USP34: variants seen among roughly 807,000 people sequenced by gnomAD.
The protein encoded by USP34 is ubiquitin carboxyl-terminal hydrolase 34.
In USP34, 70 loss-of-function variants were observed where a neutral mutation model predicts 460.3. The observed-to-expected ratio is 0.15, with a 90% confidence interval of 0.13 to 0.19. USP34 has a LOEUF of 0.19. Among genes scored for constraint, USP34 ranks in the 10% least tolerant of loss-of-function variants. USP34 has a pLI of 1.00. For missense variants in USP34, 3,985 were observed against 4,236.2 expected, an observed-to-expected ratio of 0.94 and a Z score of 1.65; for synonymous variants, 1,647 against 1,405.3, an observed-to-expected ratio of 1.17 and a Z score of -3.85.
At chr2:61,260,121 T>A (rs981962930) in intron 43 of USP34, among the ~76,000 whole-genome samples, 2 of 152,150 alleles carry the variant, frequency 1.3e-5, no homozygotes, top group African/African-American at 4.8e-5. Flanking sequence ...CAAGTAAACC[T>A]ACACATTAAA....
chr2:61,344,089 C>G, intron 15 of USP34, 60 bp from the exon 16 acceptor site: 1 of 1,498,444 alleles, frequency 6.7e-7, no homozygotes, highest in African/African-American at 1.4e-5. Flanking sequence ...ATTTGTGAAC[C>G]ACAAAAAATA....
intron 62 of USP34, 186 bp from the exon 63 acceptor site, chr2:61,223,482 T>G: frequency 1.7e-6 from 1 of 596,026 alleles, no homozygotes. Flanking sequence ...ATTCCAGGAT[T>G]GGTAAATGAA....
At chr2:61,277,994 A>T in intron 41 of USP34, 171 bp downstream of exon 41, 1 of 833,040 alleles carries the variant, frequency 1.2e-6, no homozygotes, top group Non-Finnish European at 1.7e-6. Flanking sequence ...CACGATTGTG[A>T]GGCCTCCCCA....
At chr2:61,331,607 T>G (rs898595571) in intron 19 of USP34, among the ~76,000 whole-genome samples, 3 of 152,052 alleles carry the variant, frequency 2.0e-5, no homozygotes, top group Non-Finnish European at 4.4e-5. Context: ...CCTGTGAAAG[T>G]ACTATTATCA....
intron 29 of USP34, among the ~76,000 whole-genome samples, chr2:61,299,279 G>A (rs1690145375): frequency 6.6e-6 from 1 of 152,080 alleles, no homozygotes; most frequent in Non-Finnish European, 1.5e-5. Context: ...CTAACACAGG[G>A]AAAACTATCA....
intron 1 of USP34, among the ~76,000 whole-genome samples, chr2:61,467,480 G>T (rs180698154): frequency 6.6e-6 from 1 of 151,746 alleles, no homozygotes; most frequent in Non-Finnish European, 1.5e-5. Flanking sequence ...TACTAATTAC[G>T]TATTTTTCAG....
chr2:61,213,873 TAC>T (rs1295304576), intron 68 of USP34, among the ~76,000 whole-genome samples, 185 bp downstream of exon 68: 2 of 152,236 alleles, frequency 1.3e-5, no homozygotes, highest in African/African-American at 2.4e-5. Flanking sequence ...AAAAGTTATC[TAC>T]ACAGTTATCA....
At chr2:61,221,369 C>T (rs1289641726) in intron 66 of USP34, 133 bp downstream of exon 66, 1 of 736,360 alleles carries the variant, frequency 1.4e-6, no homozygotes, top group African/African-American at 1.8e-5. Context: ...GAACTCTTTT[C>T]CTCCCCAAAC....
chr2:61,418,804 A>T (rs1417990712), intron 2 of USP34, among the ~76,000 whole-genome samples: 1 of 152,202 alleles, frequency 6.6e-6, no homozygotes, highest in East Asian at 1.9e-4. Flanking sequence ...GAGTATGCAC[A>T]ATTAAGAGTA....
intron 25 of USP34, among the ~76,000 whole-genome samples, chr2:61,314,355 C>T (rs1690680822): frequency 6.6e-6 from 1 of 152,044 alleles, no homozygotes; most frequent in Non-Finnish European, 1.5e-5. Context: ...TCTGCTCAAA[C>T]TCTATTATTA....
chr2:61,208,251 A>G (rs540658806), intron 70 of USP34: 6 of 152,302 alleles, frequency 3.9e-5, no homozygotes, highest in South Asian at 4.1e-4. Flanking sequence ...ACTCAAAAGA[A>G]CGCAACCATC....
intron 2 of USP34, among the ~76,000 whole-genome samples, chr2:61,417,722 TTTTTTTTTC>T (rs1303149122): frequency 7.5e-5 from 10 of 133,550 alleles, no homozygotes; most frequent in South Asian, 2.4e-4. Context: ...CTAAAATCTT[TTTTTTTTTC>T]TTTTTTTCTT....
At chr2:61,200,998 A>C (rs554205566) in intron 75 of USP34, among the ~76,000 whole-genome samples, 1 of 152,182 alleles carries the variant, frequency 6.6e-6, no homozygotes, top group African/African-American at 2.4e-5. Flanking sequence ...TTAACCAAGA[A>C]AAATTTTTTT....
chr2:61,358,371 G>A (rs868733292), intron 10 of USP34, among the ~76,000 whole-genome samples: 1 of 151,920 alleles, frequency 6.6e-6, no homozygotes, highest in Middle Eastern at 3.4e-3. Flanking sequence ...TAAACTTATA[G>A]TTCTAAAAAA....
Position 61,265,694 on chromosome 2 carries a change from T to TA in USP34, c.5618-138dup, listed in dbSNP as rs147338129. The TA allele has an allele frequency of 1.0e-3, 765 of 761,492 alleles. 2 individuals carry two copies. Among genetic ancestry groups the TA allele is most frequent in the African/African-American group, 7.5e-3 (412 of 54,602 alleles). The allele number at this position is 761,492 out of a possible 1,614,324, so 47.2% of individuals were successfully genotyped here. ...AGAACATTATATAGAATTTTTTAAA[T>TA]AAAAAAAAATACAGATGAAAACTAA... On this transcript the variant is annotated intron_variant, in intron 42 of 79. Transcript: ENST00000398571.
intron 1 of USP34, among the ~76,000 whole-genome samples, chr2:61,456,796 A>C (rs1425218190): frequency 6.6e-6 from 1 of 151,044 alleles, no homozygotes; most frequent in Non-Finnish European, 1.5e-5. Context: ...CAATTTACTA[A>C]CAGAGTAAAA....
intron 75 of USP34, among the ~76,000 whole-genome samples, chr2:61,202,567 C>T (rs868102645): frequency 2.6e-5 from 4 of 152,144 alleles, no homozygotes; most frequent in African/African-American, 9.7e-5. Flanking sequence ...TAAAGATATT[C>T]GAGACCCCCC....
chr2:61,304,287 GATTA>G lies in USP34; in HGVS notation c.3818-2837_3818-2834del, dbSNP rs547401812. The stretch of plus-strand genomic sequence containing the variant: ...GCAATATTAAAACACTCTCAGTCAT[GATTA>G]ATTGCTACTCTAATAAAGCATGCAT... On this transcript the variant is annotated intron_variant, in intron 27 of 79. Transcript: ENST00000398571. Among the ~76,000 whole-genome samples the G allele has an allele frequency of 7.8e-4, 119 of 152,312 alleles. 1 individual carries two copies. The highest frequency in any genetic ancestry group is 2.5e-3 in the African/African-American group (105 of 41,574).
intron 62 of USP34, chr2:61,223,557 G>C: frequency 2.8e-6 from 1 of 357,540 alleles, no homozygotes; most frequent in Non-Finnish European, 5.0e-6. Flanking sequence ...CAGTAGGATG[G>C]GTCTTATTTT....
Sources: allele counts gnomAD v4.1 joint callset (sites outside exome capture counted in the v4.1 genomes callset), GRCh38; gene constraint gnomAD v4.1.1; transcripts MANE v1.5; gene names NCBI Gene and HGNC (gene_info 2026-07-23, HGNC 2026-07-21).